UBA5: variants seen among roughly 807,000 people sequenced by gnomAD.
UBA5 encodes ubiquitin like modifier activating enzyme 5, also known as ubiquitin-like modifier-activating enzyme 5.
In UBA5, 28 loss-of-function variants were observed where a neutral mutation model predicts 52.9. The ratio of observed to expected loss-of-function variants is 0.53; its 90% confidence interval spans 0.39 to 0.73. UBA5 has a LOEUF of 0.73. UBA5 is among the 30% of genes least tolerant of loss of function. UBA5 has a pLI of 0.00. For missense variants in UBA5, 388 were observed against 492.7 expected (o/e 0.79, Z 2.01); for synonymous variants, 135 against 162.1 (o/e 0.83, Z 1.27).
intron 5 of UBA5, chr3:132,670,532 A>G: frequency 3.8e-6 from 1 of 263,606 alleles, no homozygotes. Flanking sequence ...TAAGAAGAGA[A>G]TGTCAACTTT....
upstream of UBA5, chr3:132,659,675 T>G: frequency 6.2e-7 from 1 of 1,611,616 alleles, no homozygotes; most frequent in Non-Finnish European, 8.5e-7. Flanking sequence ...TAGGTAGGCC[T>G]CCAGGGACTT....
intron 1 of UBA5, among the ~76,000 whole-genome samples, chr3:132,655,142 G>A (rs1353852631): frequency 6.6e-6 from 1 of 152,218 alleles, no homozygotes. Flanking sequence ...TATGCAGCAT[G>A]TGACTATATA....
chr3:132,664,437 C>T lies in UBA5; in HGVS notation c.162-1386C>T, dbSNP rs113277429. Among the ~76,000 whole-genome samples, 1,083 of 152,184 alleles carry T rather than the reference C, an allele frequency of 7.1e-3. 5 individuals are homozygous for T. The highest frequency in any genetic ancestry group is 0.012 in the Non-Finnish European group (833 of 67,992). ...GAAAGTTCTCAAAATTTACCTTTGC[C>T]GTACCCTTTGCAAAACTACTGGAAG... is the stretch of plus-strand genomic sequence containing the variant. On this transcript the variant is annotated intron_variant, in intron 1 of 11. Coordinates refer to ENST00000356232, the MANE Select transcript of UBA5 (RefSeq NM_024818.6).
chr3:132,670,929 G>A (rs779990586), intron 5 of UBA5, 36 bp from the exon 6 acceptor site: 2 of 1,490,852 alleles, frequency 1.3e-6, no homozygotes, highest in East Asian at 2.3e-5. Context: ...TGTATTTTGT[G>A]TCCTGATGTT....
At position 132,678,766 on chromosome 3, in the gene UBA5, C is replaced by G. The variant is rs147249192; in HGVS notation, c.*2240C>G. On this transcript the variant is annotated 3_prime_UTR_variant, in exon 12 of 12. Coordinates refer to ENST00000356232, the MANE Select transcript of UBA5 (RefSeq NM_024818.6). ...CCAGGTTCAAGCGATTCTCCTGCCTCAGCCTCCCAAGTAGCTGGGATTACA... is the reference window on the plus strand; with the variant it reads ...CCAGGTTCAAGCGATTCTCCTGCCTGAGCCTCCCAAGTAGCTGGGATTACA... 1.2e-3 allele frequency among the ~76,000 whole-genome samples: 183 copies of G among 152,158 alleles called. 1 individual carries two copies. Among genetic ancestry groups the G allele is most frequent in the African/African-American group, 3.8e-3 (157 of 41,534 alleles).
rs912575777 is a variant in UBA5 at position 132,678,049 on chromosome 3, A to G, written c.*1523A>G. 5.3e-5 allele frequency: 8 copies of G among 152,238 alleles called. No individual in the cohort carries two copies. Among genetic ancestry groups the G allele is most frequent in the African/African-American group, 1.9e-4 (8 of 41,458 alleles). 9.4% of individuals were successfully genotyped at this position (152,238 alleles called of 1,614,324 possible). A position where few individuals can be genotyped will look rare whatever the true frequency, so the allele number is the denominator to read the frequency against. ...ATAAATTTCCTTTGGAAATTCTTGC[A>G]TATCAATTTAGTAAGGTTTTATAAA... On this transcript the variant is annotated 3_prime_UTR_variant, in exon 12 of 12. Coordinates refer to ENST00000356232, the MANE Select transcript of UBA5 (RefSeq NM_024818.6).
In UBA5 at chr3:132,676,588, A is replaced by G; in HGVS notation, c.*62A>G. The G allele has an allele frequency of 8.0e-7, 1 of 1,245,688 alleles. No individual in the cohort carries two copies. The highest frequency in any genetic ancestry group is 1.1e-6 in the Non-Finnish European group (1 of 876,284). 77.2% of individuals were successfully genotyped at this position (1,245,688 alleles called of 1,614,324 possible). A position where few individuals can be genotyped will look rare whatever the true frequency, so the allele number is the denominator to read the frequency against. On this transcript the variant is annotated 3_prime_UTR_variant, in exon 12 of 12. Coordinates refer to ENST00000356232, the MANE Select transcript of UBA5 (RefSeq NM_024818.6). The surrounding 1 kb of genome is among the most constrained non-coding windows in gnomAD (Gnocchi z 4.1). ...AGCCTCTTCCCTTGAAATTAAAAAA[A>G]AATTTTAACTGATAAAACTTAGGGC...
rs911570156 is a variant in UBA5 at position 132,679,591 on chromosome 3, A to G, written c.*3065A>G. On this transcript the variant is annotated 3_prime_UTR_variant, in exon 12 of 12. Coordinates refer to ENST00000356232, the MANE Select transcript of UBA5 (RefSeq NM_024818.6). ...ATCATGTCTCCAACTACAGTTATTC[A>G]GGCACAAATTTTGGAGGTACAAAGA... is the stretch of plus-strand genomic sequence containing the variant. Among the ~76,000 whole-genome samples the G allele has an allele frequency of 6.6e-6, 1 of 152,212 alleles. No homozygotes were observed. The highest frequency in any genetic ancestry group is 6.5e-5 in the Admixed American group (1 of 15,290).
chr3:132,671,727 T>C (rs1452664787), intron 6 of UBA5, 50 bp from the exon 7 acceptor site: 1 of 1,419,490 alleles, frequency 7.0e-7, no homozygotes, highest in Admixed American at 2.0e-5. Context: ...TGTAAATTAC[T>C]TCTTGCTCTT....
At chr3:132,664,906 G>T (rs1428012238) in intron 1 of UBA5, among the ~76,000 whole-genome samples, 1 of 152,110 alleles carries the variant, frequency 6.6e-6, no homozygotes, top group African/African-American at 2.4e-5. Flanking sequence ...TAGATAACTA[G>T]TGGAAAGTTG....
upstream of UBA5, chr3:132,659,986 T>G (rs1938053060): frequency 2.2e-6 from 1 of 462,118 alleles, no homozygotes; most frequent in East Asian, 3.7e-5. Flanking sequence ...GTTTCAATTC[T>G]CCAGTCAGCG....
In UBA5 at chr3:132,676,613, C is replaced by A. The variant is rs1005606284; in HGVS notation, c.*87C>A. ...AAATTTTAACTGATAAAACTTAGGG[C>A]AACATTAATTAATGTATATTCTTAC... is the stretch of plus-strand genomic sequence containing the variant. On this transcript the variant is annotated 3_prime_UTR_variant, in exon 12 of 12. Transcript: ENST00000356232. This position sits in a 1 kb window ranked among gnomAD's most constrained non-coding sequence, Gnocchi z 4.1. The A allele has an allele frequency of 2.2e-6, 2 of 904,930 alleles. No individual in the cohort carries two copies. Among genetic ancestry groups the A allele is most frequent in the South Asian group, 1.6e-5 (1 of 63,920 alleles). 56.1% of individuals were successfully genotyped at this position (904,930 alleles called of 1,614,324 possible).
rs1462711057 is a variant in UBA5 at position 132,678,065 on chromosome 3, GT to G, written c.*1543del. ...AATTCTTGCATATCAATTTAGTAAG[GT>G]TTTATAAAATTTTACAATTTGATAA... is the stretch of plus-strand genomic sequence containing the variant. On this transcript the variant is annotated 3_prime_UTR_variant, in exon 12 of 12. Transcript: ENST00000356232. The G allele has an allele frequency of 6.6e-6, 1 of 152,042 alleles. No individual in the cohort carries two copies. Among genetic ancestry groups the G allele is most frequent in the African/African-American group, 2.4e-5 (1 of 41,396 alleles). The allele number at this position is 152,042 out of a possible 1,614,324, so 9.4% of individuals were successfully genotyped here. A position where few individuals can be genotyped will look rare whatever the true frequency, so the allele number is the denominator to read the frequency against.
chr3:132,672,323 ATATG>A (rs1389243879), intron 8 of UBA5, 146 bp downstream of exon 8: 12 of 892,158 alleles, frequency 1.3e-5, no homozygotes, highest in Admixed American at 1.0e-4. Context: ...AATGTTTTAT[ATATG>A]TATATGTGCA....
At position 132,671,830 on chromosome 3, in the gene UBA5, A is replaced by C; in HGVS notation, c.633A>C (p.Ala211=). The C allele has an allele frequency of 2.5e-6, 4 of 1,613,848 alleles. No individual in the cohort carries two copies. Among genetic ancestry groups the C allele is most frequent in the Non-Finnish European group, 3.4e-6 (4 of 1,179,880 alleles). Residue 211 remains alanine, a synonymous_variant, in exon 7 of 12, where the codon GCA becomes GCC. Transcript: ENST00000356232. ...TWMESGVSEN[A]VSGHIQLIIP... is the part of the protein sequence containing the mutation. ...TGGAATCTGGGGTCAGTGAAAATGC[A>C]GTTTCAGGGCATATACAGCTTATAA...
upstream of UBA5, chr3:132,659,495 G>C: frequency 2.0e-6 from 3 of 1,505,916 alleles, no homozygotes; most frequent in South Asian, 3.6e-5. Context: ...ACTGACTGCA[G>C]GAAAAGCAAT....
chr3:132,674,646 G>A (rs933279202), intron 8 of UBA5, among the ~76,000 whole-genome samples: 2 of 152,184 alleles, frequency 1.3e-5, no homozygotes, highest in African/African-American at 2.4e-5. Context: ...CCATGATCAC[G>A]CCACCTTACT....
chr3:132,659,448 G>T (rs1938006336), upstream of UBA5: 1 of 1,040,860 alleles, frequency 9.6e-7, no homozygotes, highest in Non-Finnish European at 1.4e-6. Flanking sequence ...GAATTCGGAG[G>T]GCCGGCAATA....
intron 3 of UBA5, among the ~76,000 whole-genome samples, chr3:132,666,479 G>T (rs1307620746): frequency 6.6e-6 from 1 of 152,024 alleles, no homozygotes; most frequent in Non-Finnish European, 1.5e-5. Context: ...GCTCTGGATG[G>T]ATTTTTAAAA....
Sources: gnomAD v4.1 joint callset for allele counts (sites outside exome capture counted in the v4.1 genomes callset) on GRCh38, gnomAD v4.1.1 for gene constraint, Gnocchi (gnomAD v3.1) non-coding constraint, MANE v1.5 for transcripts, NCBI Gene and HGNC (gene_info 2026-07-23, HGNC 2026-07-21) for gene names.